The following SDK1 variants were observed in gnomAD, a reference collection of about 807,000 sequenced individuals.
The protein encoded by SDK1 is sidekick cell adhesion molecule 1.
A neutral mutation model predicts 245.5 loss-of-function variants in SDK1; 157 were observed. The ratio of observed to expected loss-of-function variants is 0.64; its 90% CI spans 0.56 to 0.73. The LOEUF (loss-of-function observed/expected upper bound fraction) is 0.73, where lower values mean the gene tolerates loss of function less well. Ranked by LOEUF, SDK1 falls within the 30% of genes least tolerant of loss-of-function variation. The pLI is 0.00. For missense variants in SDK1, 3,583 were observed against 3,002.3 expected (o/e 1.19, Z -4.52); for synonymous variants, 1,647 against 1,278.5 (o/e 1.29, Z -6.15).
chr7:3,774,125 G>A (rs527265468), intron 4 of SDK1, among the ~76,000 whole-genome samples: 1 of 149,986 alleles, frequency 6.7e-6, no homozygotes, highest in East Asian at 2.0e-4. Context: ...TGAGGCAGGA[G>A]AATGGCGTGA....
At chr7:3,983,273 G>A (rs1783557584) in intron 13 of SDK1, among the ~76,000 whole-genome samples, 1 of 152,212 alleles carries the variant, frequency 6.6e-6, no homozygotes, top group African/African-American at 2.4e-5. Flanking sequence ...TTATCAAACA[G>A]CATCACATGC....
intron 1 of SDK1, chr7:3,302,445 C>G (rs551167008): frequency 6.6e-6 from 1 of 152,336 alleles, no homozygotes; most frequent in Admixed American, 6.5e-5. Flanking sequence ...GTGCCCACAG[C>G]TTTTGCACTT....
At chr7:3,445,399 G>A (rs117940201) in intron 1 of SDK1, among the ~76,000 whole-genome samples, 543 of 152,286 alleles carry the variant, frequency 3.6e-3, no homozygotes, top group Non-Finnish European at 6.0e-3. Flanking sequence ...ACTGTGGAAG[G>A]AAATTGTGCT....
intron 13 of SDK1, among the ~76,000 whole-genome samples, chr7:3,978,434 C>T (rs1231043270): frequency 6.6e-6 from 1 of 152,224 alleles, no homozygotes; most frequent in Non-Finnish European, 1.5e-5. Flanking sequence ...AACATCTCAT[C>T]TCTAAATATA....
chr7:4,237,837 A>G (rs1462899221), intron 42 of SDK1, 53 bp downstream of exon 42: 6 of 1,602,156 alleles, frequency 3.7e-6, no homozygotes, highest in Non-Finnish European at 4.3e-6. Context: ...CAGCCAAAAC[A>G]TAGCGTTCGT....
intron 4 of SDK1, among the ~76,000 whole-genome samples, chr7:3,650,459 T>A (rs898659674): frequency 1.3e-5 from 2 of 152,204 alleles, no homozygotes; most frequent in African/African-American, 4.8e-5. Flanking sequence ...ATGGCATTTA[T>A]CCTTTTCCAC....
intron 5 of SDK1, among the ~76,000 whole-genome samples, chr7:3,828,142 C>G (rs1485272666): frequency 6.6e-6 from 1 of 151,892 alleles, no homozygotes; most frequent in Non-Finnish European, 1.5e-5. Flanking sequence ...ACTGGGTGTG[C>G]TGGTGGGCTC....
At chr7:3,782,834 A>G (rs1203451375) in intron 4 of SDK1, among the ~76,000 whole-genome samples, 4 of 152,240 alleles carry the variant, frequency 2.6e-5, no homozygotes, top group East Asian at 3.8e-4. Flanking sequence ...TTGAACTTTT[A>G]TAAGTCAGGA....
intron 3 of SDK1, among the ~76,000 whole-genome samples, chr7:3,640,187 T>G (rs897567033): frequency 1.3e-5 from 2 of 152,208 alleles, no homozygotes; most frequent in African/African-American, 4.8e-5. Flanking sequence ...TACCAAAATT[T>G]CTCTTTGTTT....
Position 4,051,120 on chromosome 7 carries a change from TATAC to T in SDK1, c.2719-514_2719-511del, listed in dbSNP as rs1400656117. On this transcript the variant is annotated intron_variant, in intron 18 of 44. Transcript: ENST00000404826. Reference sequence around the variant, plus strand: ...GTGTATATAATATATATGTATAATATATACATATTATATATAATATATGTATAAT... The same window carrying T: ...GTGTATATAATATATATGTATAATATATATTATATATAATATATGTATAAT... Among the ~76,000 whole-genome samples the T allele has an allele frequency of 3.4e-4, 48 of 139,588 alleles. 1 individual carries two copies. In the South Asian group the frequency reaches 0.01, roughly 30 times the overall value. The allele number at this position is 139,588 out of a possible 152,430, so 91.6% of individuals were successfully genotyped here.
At chr7:3,700,396 G>GT (rs1198547367) in intron 4 of SDK1, among the ~76,000 whole-genome samples, 1 of 152,176 alleles carries the variant, frequency 6.6e-6, no homozygotes, top group Non-Finnish European at 1.5e-5. Context: ...CAGTGATATA[G>GT]AGGAGATGTT....
intron 4 of SDK1, among the ~76,000 whole-genome samples, chr7:3,715,148 A>T (rs937320803): frequency 3.3e-5 from 5 of 152,168 alleles, no homozygotes; most frequent in African/African-American, 9.7e-5. Context: ...ACATATAATT[A>T]GCTTATTTAG....
intron 1 of SDK1, among the ~76,000 whole-genome samples, chr7:3,393,357 G>A (rs1009447303): frequency 1.4e-4 from 21 of 152,232 alleles, no homozygotes; most frequent in Admixed American, 6.5e-5. Context: ...ATGAGGAAAT[G>A]CCAAAATGTT....
chr7:4,256,593 T>C (rs1326420040), intron 44 of SDK1, among the ~76,000 whole-genome samples: 1 of 152,258 alleles, frequency 6.6e-6, no homozygotes, highest in East Asian at 1.9e-4. Context: ...ACGTTTATCC[T>C]CTCTACTGGA....
At chr7:4,188,119 G>T (rs563489851) in intron 35 of SDK1, among the ~76,000 whole-genome samples, 1 of 152,318 alleles carries the variant, frequency 6.6e-6, no homozygotes, top group South Asian at 2.1e-4. Context: ...TCCGCAACAT[G>T]TGAGAATTAT....
intron 5 of SDK1, among the ~76,000 whole-genome samples, chr7:3,853,067 C>A (rs189670031): frequency 2.0e-4 from 30 of 152,080 alleles, no homozygotes; most frequent in Admixed American, 1.8e-3. Flanking sequence ...AACCAAAACC[C>A]ACACGTGGGA....
chr7:3,687,687 G>T (rs1171848559), intron 4 of SDK1, among the ~76,000 whole-genome samples: 1 of 152,180 alleles, frequency 6.6e-6, no homozygotes, highest in African/African-American at 2.4e-5. Context: ...TCAGAGTGGA[G>T]AACAGACTAG....
At chr7:3,526,240 GAAAA>G (rs112433054) in intron 1 of SDK1, among the ~76,000 whole-genome samples, 1 of 142,908 alleles carries the variant, frequency 7.0e-6, no homozygotes, top group African/African-American at 2.6e-5. Flanking sequence ...CGCAAAAAAA[GAAAA>G]AAAAAAATCA....
Position 4,221,293 on chromosome 7 carries a change from C to T in SDK1, c.5756C>T (p.Thr1919Met), listed in dbSNP as rs61743123. Reference protein sequence around the residue: ...VLVTKSASELTLQWTEGHSGD... With the variant: ...VLVTKSASELMLQWTEGHSGD... ...GTCACCAAGTCCGCCTCTGAACTGA[C>T]GCTGCAGTGGACTGAGGGACACTCT... Residue 1919 changes from threonine to methionine, a missense_variant, in exon 40 of 45, where the codon ACG (threonine) becomes ATG (methionine). Physicochemically the swap from Thr to Met is moderately conservative, Grantham distance 81. Coordinates refer to ENST00000404826, the MANE Select transcript of SDK1 (RefSeq NM_152744.4). 3.9e-5 allele frequency: 63 copies of T among 1,613,760 alleles called. No homozygotes were observed. The highest frequency in any genetic ancestry group is 3.3e-4 in the East Asian group (15 of 44,872).
Sources: gnomAD v4.1 joint callset for allele counts (sites outside exome capture counted in the v4.1 genomes callset) on GRCh38, gnomAD v4.1.1 for gene constraint, MANE v1.5 for transcripts, NCBI Gene and HGNC (gene_info 2026-07-23, HGNC 2026-07-21) for gene names.